Variants in AMBRA1 observed in about 807,000 individuals in gnomAD.
AMBRA1 encodes the protein activating molecule in BECN1-regulated autophagy protein 1.
In AMBRA1, 47 loss-of-function variants were observed where a neutral mutation model predicts 125.4. The ratio of observed to expected loss-of-function variants is 0.37; its 90% CI spans 0.30 to 0.48. The LOEUF is 0.48. Ranked by LOEUF, AMBRA1 falls within the 20% of genes least tolerant of loss-of-function variation. AMBRA1 has a pLI of 0.99. For missense variants in AMBRA1, 1,331 were observed against 1,693.4 expected, an observed-to-expected ratio of 0.79 and a Z score of 3.76; for synonymous variants, 626 against 655.5, an observed-to-expected ratio of 0.95 and a Z score of 0.69.
chr11:46,412,498 C>T (rs1442757421), intron 15 of AMBRA1, among the ~76,000 whole-genome samples: 1 of 152,038 alleles, frequency 6.6e-6, no homozygotes, highest in African/African-American at 2.4e-5. Flanking sequence ...ACCATGTTGC[C>T]TAAGCTGGTC....
intron 1 of AMBRA1, among the ~76,000 whole-genome samples, chr11:46,583,212 C>T (rs1342704311): frequency 6.6e-6 from 1 of 152,102 alleles, no homozygotes; most frequent in Non-Finnish European, 1.5e-5. Context: ...CTACAACTAT[C>T]TGATCTTCGA....
intron 11 of AMBRA1, among the ~76,000 whole-genome samples, chr11:46,453,899 G>T (rs1948732838): frequency 6.6e-6 from 1 of 152,114 alleles, no homozygotes; most frequent in Non-Finnish European, 1.5e-5. Flanking sequence ...GAATTAAAGG[G>T]TAAATATTTT....
chr11:46,419,984 C>T (rs181354932), intron 14 of AMBRA1, among the ~76,000 whole-genome samples: 155 of 2,330 alleles, frequency 0.067, no homozygotes, highest in Non-Finnish European at 0.075. Context: ...GACAGCAGCA[C>T]GTGTCCTCAA....
Position 46,542,304 on chromosome 11 carries a change from G to A in AMBRA1, c.1713C>T (p.Cys571=). The part of the protein sequence containing the change: ...SRGHLNRCRA[C]HNLLTFNNDT... ...CGTTGTTGAAGGTCAGGAGATTGTG[G>A]CAAGCACGACAGCGATTCAGGTGGC... The change falls in exon 7 of 18, where the codon TGC becomes TGT. Residue 571 remains cysteine (C), a synonymous_variant. Coordinates refer to ENST00000683756, the MANE Select transcript of AMBRA1 (RefSeq NM_001387011.1). The surrounding 1 kb of genome is among the most constrained non-coding windows in gnomAD (Gnocchi z 5.9). 1 of 1,614,100 alleles carries A rather than the reference G, an allele frequency of 6.2e-7. No homozygotes were observed. The highest frequency in any genetic ancestry group is 2.2e-5 in the East Asian group (1 of 44,890).
chr11:46,573,880 T>C (rs2043860545), intron 1 of AMBRA1, among the ~76,000 whole-genome samples: 1 of 138,694 alleles, frequency 7.2e-6, no homozygotes, highest in African/African-American at 2.7e-5. Context: ...GTGATCTCAT[T>C]GTTCAATTCC....
intron 17 of AMBRA1, among the ~76,000 whole-genome samples, chr11:46,401,817 C>G (rs946124741): frequency 6.6e-6 from 1 of 152,240 alleles, no homozygotes; most frequent in Non-Finnish European, 1.5e-5. Context: ...CCTAATTCAG[C>G]TCTGCTGACT....
At chr11:46,476,219 A>C (rs1235032789) in intron 11 of AMBRA1, among the ~76,000 whole-genome samples, 1 of 152,180 alleles carries the variant, frequency 6.6e-6, no homozygotes, top group Non-Finnish European at 1.5e-5. Context: ...ATTACCTCCA[A>C]ATCCCATGGC....
At chr11:46,450,632 G>C (rs1948540561) in intron 11 of AMBRA1, among the ~76,000 whole-genome samples, 1 of 151,952 alleles carries the variant, frequency 6.6e-6, no homozygotes, top group African/African-American at 2.4e-5. Context: ...TTGTAGAGAT[G>C]GGGTTTCACC....
intron 1 of AMBRA1, among the ~76,000 whole-genome samples, chr11:46,590,572 C>T (rs1228572887): frequency 6.6e-6 from 1 of 152,060 alleles, no homozygotes; most frequent in Non-Finnish European, 1.5e-5. Flanking sequence ...TAACTCTGTT[C>T]CAGCTTAAGT....
At chr11:46,515,998 A>G in intron 7 of AMBRA1, among the ~76,000 whole-genome samples, 1 of 152,132 alleles carries the variant, frequency 6.6e-6, no homozygotes, top group Non-Finnish European at 1.5e-5. Context: ...TACAATCCTA[A>G]AAGTCTATTT....
At chr11:46,475,957 C>T (rs537933447) in intron 11 of AMBRA1, among the ~76,000 whole-genome samples, 2 of 152,238 alleles carry the variant, frequency 1.3e-5, no homozygotes, top group Admixed American at 6.5e-5. Context: ...CTCCAGGTGT[C>T]GGAAAAGAAC....
chr11:46,558,065 T>A (rs73449943), intron 1 of AMBRA1, among the ~76,000 whole-genome samples: 1,772 of 152,164 alleles, frequency 0.012, 41 homozygotes, highest in African/African-American at 0.041. Flanking sequence ...TTAGACCTTC[T>A]AACCTAGCCC....
In AMBRA1 at chr11:46,478,779, C is replaced by T. The variant is rs563762601; in HGVS notation, c.2521+14829G>A. Among the ~76,000 whole-genome samples, 5 of 151,560 alleles carry T rather than the reference C, an allele frequency of 3.3e-5. No homozygotes were observed. In the South Asian group the frequency reaches 1.0e-3, roughly 32 times the overall value. The stretch of plus-strand genomic sequence containing the variant: ...AAGCGATTCTCCTGCCTCAGCCTCC[C>T]GAGTAGCTGGGATTACAGGCATGCA... On this transcript the variant is annotated intron_variant, in intron 11 of 17. Coordinates refer to ENST00000683756, the MANE Select transcript of AMBRA1 (RefSeq NM_001387011.1).
intron 15 of AMBRA1, 81 bp downstream of exon 15, chr11:46,417,830 TAA>T: frequency 6.9e-7 from 1 of 1,441,092 alleles, no homozygotes; most frequent in Non-Finnish European, 9.3e-7. Flanking sequence ...ATTTCCCTTC[TAA>T]AAGACCCCAG....
chr11:46,419,995 T>TACACACACACACACACACACACACAC (rs34070050), intron 14 of AMBRA1, among the ~76,000 whole-genome samples: 20,735 of 128,802 alleles, frequency 0.16, 2,178 homozygotes, highest in East Asian at 0.23. Flanking sequence ...GTGTCCTCAA[T>TACACACACACACACACACACACACAC]ACACACACAC....
intron 3 of AMBRA1, among the ~76,000 whole-genome samples, 176 bp downstream of exon 3, chr11:46,547,641 A>G (rs1178901942): frequency 2.0e-5 from 3 of 151,924 alleles, no homozygotes; most frequent in African/African-American, 7.3e-5. Flanking sequence ...TGTTCTCATG[A>G]TTTTTCAGGT....
intron 17 of AMBRA1, among the ~76,000 whole-genome samples, chr11:46,401,970 C>G (rs1945784146): frequency 6.6e-6 from 1 of 152,208 alleles, no homozygotes; most frequent in Non-Finnish European, 1.5e-5. Context: ...CTGTCCCCCA[C>G]ATTCCTGCAG....
chr11:46,464,994 C>T (rs1345368242), intron 11 of AMBRA1, among the ~76,000 whole-genome samples: 1 of 151,904 alleles, frequency 6.6e-6, no homozygotes, highest in Non-Finnish European at 1.5e-5. Flanking sequence ...CAGTGAGCTG[C>T]GATCGCGCCA....
chr11:46,586,266 A>C (rs2044396203), intron 1 of AMBRA1, among the ~76,000 whole-genome samples: 1 of 152,120 alleles, frequency 6.6e-6, no homozygotes, highest in Non-Finnish European at 1.5e-5. Flanking sequence ...AAAATTAGCC[A>C]GGTGTGGTGG....
Sources: gnomAD v4.1 joint callset for allele counts (sites outside exome capture counted in the v4.1 genomes callset) on GRCh38, gnomAD v4.1.1 for gene constraint, Gnocchi (gnomAD v3.1) non-coding constraint, MANE v1.5 for transcripts, NCBI Gene and HGNC (gene_info 2026-07-23, HGNC 2026-07-21) for gene names.